Variants in HEATR4 observed in about 807,000 individuals in gnomAD.
The protein encoded by HEATR4 is HEAT repeat-containing protein 4.
In HEATR4, 95 loss-of-function variants were observed where a neutral mutation model predicts 108.8. The ratio of observed to expected loss-of-function variants is 0.87; its 90% CI spans 0.74 to 1.04. The LOEUF (loss-of-function observed/expected upper bound fraction) is 1.04, where lower values mean the gene tolerates loss of function less well. HEATR4 is among the 50% of genes least tolerant of loss of function. The probability of loss-of-function intolerance (pLI) is 0.00; values close to 1 mark genes in which losing one functional copy is unlikely to be tolerated. For synonymous variants in HEATR4, 443 were observed against 459.4 expected (o/e 0.96, Z 0.46); for missense variants, 1,152 against 1,253.8 (o/e 0.92, Z 1.23).
chr14:73,564,736 T>G, the HEATR4 span, among the ~76,000 whole-genome samples: 7 of 143,732 alleles, frequency 4.9e-5, no homozygotes, highest in Non-Finnish European at 6.2e-5. Flanking sequence ...TTGTTTTTTT[T>G]TTTTTTTTTT....
chr14:73,624,325 C>T, the HEATR4 span, among the ~76,000 whole-genome samples: 2 of 151,876 alleles, frequency 1.3e-5, no homozygotes, highest in Admixed American at 6.6e-5. Context: ...GATGGGGTTT[C>T]GCCATGTTGC....
chr14:73,606,614 C>T, the HEATR4 span, among the ~76,000 whole-genome samples: 1 of 152,102 alleles, frequency 6.6e-6, no homozygotes, highest in Non-Finnish European at 1.5e-5. Context: ...TACAAAACTG[C>T]CAATATGTCT....
At chr14:73,586,406 A>G in the HEATR4 span, among the ~76,000 whole-genome samples, 1 of 147,906 alleles carries the variant, frequency 6.8e-6, no homozygotes, top group African/African-American at 2.5e-5. Flanking sequence ...AAAAGAAAAA[A>G]AAAATTTTTT....
At position 73,538,493 on chromosome 14, in the gene HEATR4, G is replaced by T. The variant is rs1311870322; in HGVS notation, c.-151-8249C>A. On this transcript the variant is annotated intron_variant, in intron 1 of 17. Transcript: ENST00000553558. ...CCGGGCGTGGTAGCGGGCGCCTGTC[G>T]TCCCAGCTACTCGGGACGCTGAGGC... Among the ~76,000 whole-genome samples, 3 of 110,704 alleles carry T rather than the reference G, an allele frequency of 2.7e-5. 1 individual carries two copies. The highest frequency in any genetic ancestry group is 8.9e-5 in the African/African-American group (3 of 33,672). The allele number at this position is 110,704 out of a possible 152,430, so 72.6% of individuals were successfully genotyped here.
At chr14:73,495,836 G>A (rs1169015202) in intron 15 of HEATR4, among the ~76,000 whole-genome samples, 1 of 151,922 alleles carries the variant, frequency 6.6e-6, no homozygotes, top group Non-Finnish European at 1.5e-5. Context: ...TGAAAAATTA[G>A]AACAATCCAG....
chr14:73,509,866 A>ATATATATT (rs1566832362), intron 7 of HEATR4, among the ~76,000 whole-genome samples: 4 of 67,504 alleles, frequency 5.9e-5, no homozygotes, highest in African/African-American at 6.3e-5. Flanking sequence ...ATATATATAT[A>ATATATATT]TATTTATTTA....
At chr14:73,513,941 G>T in intron 6 of HEATR4, 90 bp downstream of exon 6, 1 of 1,311,674 alleles carries the variant, frequency 7.6e-7, no homozygotes, top group Non-Finnish European at 1.1e-6. Flanking sequence ...ACAAAGGAGG[G>T]ATGGATTTTT....
At chr14:73,560,397 C>T (rs148685633), upstream of HEATR4, among the ~76,000 whole-genome samples, 631 of 152,202 alleles carry the variant, frequency 4.1e-3, 10 homozygotes, top group African/African-American at 0.014. Context: ...GGCGCTGTGG[C>T]TCACGCCCAT....
chr14:73,586,335 C>T, the HEATR4 span, among the ~76,000 whole-genome samples: 2 of 149,478 alleles, frequency 1.3e-5, no homozygotes, highest in Admixed American at 6.7e-5. Context: ...CAGAGTTTGC[C>T]GTGAGCCGAG....
the HEATR4 span, chr14:73,595,247 T>A: frequency 3.7e-6 from 6 of 1,614,212 alleles, no homozygotes; most frequent in East Asian, 1.3e-4. Flanking sequence ...GGTAGCTTTC[T>A]CAGGCCTCGT....
the HEATR4 span, among the ~76,000 whole-genome samples, chr14:73,570,603 CTT>C: frequency 1.3e-5 from 2 of 151,290 alleles, no homozygotes; most frequent in Non-Finnish European, 1.5e-5. Context: ...GAAAAAGACA[CTT>C]ATATTAAAAA....
the HEATR4 span, among the ~76,000 whole-genome samples, chr14:73,594,161 A>G: frequency 1.3e-5 from 2 of 151,544 alleles, no homozygotes; most frequent in East Asian, 3.9e-4. Flanking sequence ...TTTCTAATCT[A>G]CTGTCTTTGC....
At chr14:73,619,961 G>C in the HEATR4 span, 9 of 1,141,542 alleles carry the variant, frequency 7.9e-6, no homozygotes, top group Non-Finnish European at 9.6e-6. Context: ...ACATAGGCTG[G>C]AGTGCAGTGG....
chr14:73,534,256 G>A (rs1301505392), intron 1 of HEATR4, among the ~76,000 whole-genome samples: 1 of 111,046 alleles, frequency 9.0e-6, no homozygotes, highest in Non-Finnish European at 1.9e-5. Flanking sequence ...GCATGTGACT[G>A]TAATCCCAGC....
the HEATR4 span, among the ~76,000 whole-genome samples, chr14:73,564,522 G>T: frequency 1.7e-4 from 25 of 151,180 alleles, 1 homozygote; most frequent in African/African-American, 5.8e-4. Flanking sequence ...GGGAGGACTG[G>T]CTAAGCCTGG....
At chr14:73,506,387 C>T (rs1237542779) in intron 10 of HEATR4, 80 bp downstream of exon 10, 40 of 927,446 alleles carry the variant, frequency 4.3e-5, no homozygotes, top group Non-Finnish European at 6.0e-5. Flanking sequence ...TGGAATAATA[C>T]ATAGCAGCAA....
At chr14:73,573,635 C>T in the HEATR4 span, 1 of 1,608,852 alleles carries the variant, frequency 6.2e-7, no homozygotes, top group Non-Finnish European at 8.5e-7. Flanking sequence ...TATCAGGTCT[C>T]TTCTTAAATG....
intron 7 of HEATR4, among the ~76,000 whole-genome samples, chr14:73,511,560 T>TAAATAAATAAATAAATA (rs371768614): frequency 5.6e-5 from 5 of 88,966 alleles, no homozygotes; most frequent in Non-Finnish European, 1.3e-4. Context: ...AATAAATAAA[T>TAAATAAATAAATAAATA]AAATAAAATA....
chr14:73,619,136 G>GA, the HEATR4 span: 30 of 1,443,032 alleles, frequency 2.1e-5, no homozygotes, highest in South Asian at 2.9e-5. Flanking sequence ...TCTCAAAAAA[G>GA]AAAAAAAAGA....
Sources: gnomAD v4.1 joint callset for allele counts (sites outside exome capture counted in the v4.1 genomes callset) on GRCh38, gnomAD v4.1.1 for gene constraint, MANE v1.5 for transcripts, NCBI Gene and HGNC (gene_info 2026-07-23, HGNC 2026-07-21) for gene names.